The following GINS4 variants were observed in gnomAD, a reference collection of about 807,000 sequenced individuals.
GINS4 encodes DNA replication complex GINS protein SLD5.
In GINS4, 20 loss-of-function variants were observed where a neutral mutation model predicts 31.1. That is an observed-to-expected ratio of 0.64 (90% CI 0.45 to 0.93). The LOEUF (loss-of-function observed/expected upper bound fraction) is 0.93. GINS4 is among the 40% of genes least tolerant of loss of function. GINS4 has a pLI of 0.00. For synonymous variants in GINS4, 85 were observed against 97.9 expected (o/e 0.87, Z 0.78); for missense variants, 245 against 273.9 (o/e 0.89, Z 0.75).
Position 41,541,851 on chromosome 8 carries a change from G to C in GINS4, c.527G>C (p.Arg176Thr), listed in dbSNP as rs1255915051. The C allele has an allele frequency of 1.9e-6, 3 of 1,614,184 alleles. No individual in the cohort carries two copies. The highest frequency in any genetic ancestry group is 1.7e-5 in the Admixed American group (1 of 60,026). ...DLDSYVFLRV[R>T]ERQENILVEP... ...GATTCTTACGTGTTTCTGAGAGTGA[G>C]AGAACGACAAGAAAACATACTGGTA... The change falls in exon 7 of 8, where the codon AGA (arginine) becomes ACA (threonine). Residue 176 changes from arginine (R) to threonine (T), a missense_variant. Arg to Thr is a moderately conservative substitution (Grantham distance 71). Transcript: ENST00000276533.
Position 41,532,781 on chromosome 8 carries a change from C to T in GINS4, c.96+2483C>T, listed in dbSNP as rs556764370. On this transcript the variant is annotated intron_variant, in intron 2 of 7. Coordinates refer to ENST00000276533, the MANE Select transcript of GINS4 (RefSeq NM_032336.3). ...CCAGGAGGTGGAGATTGCAGAGAGC[C>T]GAGATCATGCCACTGCACTCCAGCC... Among the ~76,000 whole-genome samples, 13 of 145,342 alleles carry T rather than the reference C, an allele frequency of 8.9e-5. 1 individual carries two copies. The highest frequency in any genetic ancestry group is 8.6e-4 in the South Asian group (4 of 4,666).
chr8:41,532,556 C>T (rs772038483), intron 2 of GINS4, among the ~76,000 whole-genome samples: 1 of 151,904 alleles, frequency 6.6e-6, no homozygotes, highest in Admixed American at 6.6e-5. Flanking sequence ...TAGGGCAGGC[C>T]GGGTGCGGTG....
In GINS4 at chr8:41,541,802, C is replaced by T; in HGVS notation, c.485-7C>T. 6.2e-7 allele frequency: 1 copy of T among 1,611,584 alleles called. No homozygotes were observed. Among genetic ancestry groups the T allele is most frequent in the Non-Finnish European group, 8.5e-7 (1 of 1,178,024 alleles). On this transcript the variant is annotated splice_polypyrimidine_tract_variant and splice_region_variant and intron_variant, in intron 6 of 7. Coordinates refer to ENST00000276533, the MANE Select transcript of GINS4 (RefSeq NM_032336.3). ...ATTTCCTAATCACATTGTTGTTTTC[C>T]TGGCAGTTCCCAAACCAGATCTAGA...
Position 41,542,150 on chromosome 8 carries a change from G to A in GINS4, c.*63G>A, listed in dbSNP as rs564157693. 139 of 1,234,466 alleles carry A rather than the reference G, an allele frequency of 1.1e-4. No individual in the cohort carries two copies. The East Asian group carries it at 2.0e-3, about 18-fold the overall frequency. The allele number at this position is 1,234,466 out of a possible 1,614,324, so 76.5% of individuals were successfully genotyped here. A position where few individuals can be genotyped will look rare whatever the true frequency, so the allele number is the denominator to read the frequency against. On this transcript the variant is annotated 3_prime_UTR_variant, in exon 8 of 8. Transcript: ENST00000276533. Reference sequence around the variant, plus strand: ...TGTAATCCCAGCACTTTGGGAGGCCGAGGCGGGCGGATCATGAGGTCAGGA... The same window carrying A: ...TGTAATCCCAGCACTTTGGGAGGCCAAGGCGGGCGGATCATGAGGTCAGGA...
chr8:41,536,448 T>G lies in GINS4; in HGVS notation c.183+2T>G, dbSNP rs772213541. On this transcript the variant is annotated splice_donor_variant, in intron 3 of 7. Coordinates refer to ENST00000276533, the MANE Select transcript of GINS4 (RefSeq NM_032336.3). LOFTEE classifies it high-confidence loss of function. Reference sequence around the variant, plus strand: ...GTCATGGAACAGCTGGAGCACATGGTAAGAGTCGCTTGTCTTGGGTTGACA... The same window carrying G: ...GTCATGGAACAGCTGGAGCACATGGGAAGAGTCGCTTGTCTTGGGTTGACA... The G allele has an allele frequency of 4.7e-5, 75 of 1,582,764 alleles. No individual in the cohort carries two copies. Among genetic ancestry groups the G allele is most frequent in the Non-Finnish European group, 6.3e-5 (72 of 1,151,556 alleles).
At chr8:41,540,348 T>G in intron 6 of GINS4, 2 of 325,714 alleles carry the variant, frequency 6.1e-6, no homozygotes, top group Non-Finnish European at 1.2e-5. Flanking sequence ...TACACCAACA[T>G]TGCCCCTGCT....
Position 41,537,307 on chromosome 8 carries a change from A to C in GINS4, c.297+14A>C. The C allele has an allele frequency of 2.6e-6, 4 of 1,554,342 alleles. No individual in the cohort carries two copies. Among genetic ancestry groups the C allele is most frequent in the Non-Finnish European group, 3.5e-6 (4 of 1,128,036 alleles). On this transcript the variant is annotated intron_variant, in intron 4 of 7. Transcript: ENST00000276533. ...CGCCTCATGAAGGTTTGACGTGGAG[A>C]TACCTGGAGGGATTGAGACAGCACA...
At chr8:41,534,207 C>A in intron 2 of GINS4, 1 of 386,508 alleles carries the variant, frequency 2.6e-6, no homozygotes, top group Non-Finnish European at 5.2e-6. Flanking sequence ...TTTCGAAGAC[C>A]ACTGTAGGCA....
intron 6 of GINS4, 108 bp downstream of exon 6, chr8:41,540,112 TAAACAG>T (rs1806812008): frequency 2.5e-6 from 2 of 805,472 alleles, no homozygotes; most frequent in Non-Finnish European, 4.1e-6. Context: ...AGTATGTAGA[TAAACAG>T]AAAGAAGAGC....
chr8:41,533,078 C>A (rs1806676462), intron 2 of GINS4, among the ~76,000 whole-genome samples: 1 of 152,070 alleles, frequency 6.6e-6, no homozygotes, highest in African/African-American at 2.4e-5. Context: ...ATAACCTAGA[C>A]AACCGTAAAC....
chr8:41,542,785 G>A lies in GINS4; in HGVS notation c.*698G>A, dbSNP rs1184963004. 6.6e-6 allele frequency: 1 copy of A among 152,640 alleles called. No homozygotes were observed. Among genetic ancestry groups the A allele is most frequent in the East Asian group, 1.9e-4 (1 of 5,208 alleles). 9.5% of individuals were successfully genotyped at this position (152,640 alleles called of 1,614,324 possible). A position where few individuals can be genotyped will look rare whatever the true frequency, so the allele number is the denominator to read the frequency against. On this transcript the variant is annotated 3_prime_UTR_variant, in exon 8 of 8. Coordinates refer to ENST00000276533, the MANE Select transcript of GINS4 (RefSeq NM_032336.3). ...GCATCAGACATTCCTCAGCAGTGCT[G>A]TGGGTCACGGGCGTGAAGCGGAGCT...
rs1806888519 is a variant in GINS4, at chr8:41,543,894, A to G, written c.*1807A>G. ...CTAATTTTTTGTATTTTTAGTAGAG[A>G]TGGGGTTTCATGATGTTGGCCAAGC... On this transcript the variant is annotated 3_prime_UTR_variant, in exon 8 of 8. Transcript: ENST00000276533. 1 of 152,080 alleles carries G rather than the reference A, an allele frequency of 6.6e-6. No individual in the cohort carries two copies. 9.4% of individuals were successfully genotyped at this position (152,080 alleles called of 1,614,324 possible). A position where few individuals can be genotyped will look rare whatever the true frequency, so the allele number is the denominator to read the frequency against.
intron 2 of GINS4, among the ~76,000 whole-genome samples, chr8:41,531,412 T>C (rs568773809): frequency 1.3e-5 from 2 of 152,364 alleles, no homozygotes; most frequent in East Asian, 3.9e-4. Flanking sequence ...GAGCTGTTCA[T>C]AGTAAGTATC....
chr8:41,529,963 G>GT (rs1806625728), intron 1 of GINS4: 1 of 483,332 alleles, frequency 2.1e-6, no homozygotes, highest in African/African-American at 2.0e-5. Context: ...GTGGACAGAA[G>GT]TAAGGGGGAG....
intron 1 of GINS4, 179 bp from the exon 2 acceptor site, chr8:41,530,005 C>T: frequency 1.8e-6 from 1 of 546,170 alleles, no homozygotes; most frequent in Non-Finnish European, 3.3e-6. Context: ...CTGACCTAAG[C>T]CTTGGAGGAA....
intron 4 of GINS4, chr8:41,537,581 A>C: frequency 3.4e-6 from 1 of 295,908 alleles, no homozygotes; most frequent in East Asian, 6.0e-5. Context: ...CTAAAGGGAG[A>C]GTTGTTGGCA....
At position 41,530,242 on chromosome 8, in the gene GINS4, G is replaced by T. The variant is rs748643785; in HGVS notation, c.40G>T (p.Gly14Trp). 1 of 1,613,860 alleles carries T rather than the reference G, an allele frequency of 6.2e-7. No homozygotes were observed. ...EVDFLGQDSD[G>W]GSEEVVLTPA... is the part of the protein sequence containing the mutation. ...GGATTTCCTGGGACAGGACTCTGATGGGGGTAGTGAGGAAGTGGTCCTAAC... is the reference window on the plus strand; with the variant it reads ...GGATTTCCTGGGACAGGACTCTGATTGGGGTAGTGAGGAAGTGGTCCTAAC... Residue 14 changes from glycine (G) to tryptophan (W), a missense_variant, in exon 2 of 8, where the codon GGG (glycine) becomes TGG (tryptophan). Physicochemically the swap from Gly to Trp is radical, Grantham distance 184. Transcript: ENST00000276533.
At chr8:41,530,496 C>T (rs550702547) in intron 2 of GINS4, among the ~76,000 whole-genome samples, 198 bp downstream of exon 2, 1 of 152,302 alleles carries the variant, frequency 6.6e-6, no homozygotes, top group South Asian at 2.1e-4. Flanking sequence ...AACACAGCAT[C>T]CCCAAGTGGG....
At chr8:41,536,488 T>TA (rs1313116154) in intron 3 of GINS4, 42 bp downstream of exon 3, 5 of 1,234,372 alleles carry the variant, frequency 4.1e-6, no homozygotes, top group Non-Finnish European at 6.0e-6. Context: ...AGGAGAAAGG[T>TA]AAAAGCATTT....
Sources: allele counts gnomAD v4.1 joint callset (sites outside exome capture counted in the v4.1 genomes callset), GRCh38; gene constraint gnomAD v4.1.1; transcripts MANE v1.5; gene names NCBI Gene and HGNC (gene_info 2026-07-23, HGNC 2026-07-21).